The following DHX8 variants were observed in gnomAD, a reference collection of about 807,000 sequenced individuals.
DHX8 encodes the protein ATP-dependent RNA helicase DHX8.
A neutral mutation model predicts 140.7 loss-of-function variants in DHX8; 67 were observed. That is an observed-to-expected ratio of 0.48 (90% CI 0.39 to 0.58). DHX8 has a LOEUF of 0.58. Ranked by LOEUF, DHX8 falls within the 20% of genes least tolerant of loss-of-function variation. DHX8 has a pLI of 0.00. For synonymous variants in DHX8, 533 were observed against 553.2 expected (o/e 0.96, Z 0.51); for missense variants, 887 against 1,550.7 (o/e 0.57, Z 7.19).
chr17:43,508,323 T>G lies in DHX8; in HGVS notation c.2321-16T>G. 6.2e-7 allele frequency: 1 copy of G among 1,604,210 alleles called. No individual in the cohort carries two copies. The highest frequency in any genetic ancestry group is 8.5e-7 in the Non-Finnish European group (1 of 1,175,328). On this transcript the variant is annotated splice_polypyrimidine_tract_variant and intron_variant, in intron 15 of 22. Coordinates refer to ENST00000262415, the MANE Select transcript of DHX8 (RefSeq NM_004941.3). ...ACACACACAGAAAGTAGATGAATGT[T>G]CTATTCTGCTCGTAGGTGATATCCT...
intron 16 of DHX8, among the ~76,000 whole-genome samples, chr17:43,509,144 C>G (rs896000577): frequency 1.1e-4 from 16 of 152,206 alleles, no homozygotes; most frequent in African/African-American, 3.9e-4. Flanking sequence ...AACAGACTTT[C>G]AGCATTTAGT....
At chr17:43,501,680 C>G (rs1969205771) in intron 11 of DHX8, among the ~76,000 whole-genome samples, 1 of 151,928 alleles carries the variant, frequency 6.6e-6, no homozygotes. Flanking sequence ...AGACGAGGTT[C>G]CTCCATGTTG....
intron 2 of DHX8, chr17:43,534,070 G>A: frequency 1.5e-6 from 2 of 1,357,964 alleles, no homozygotes; most frequent in Admixed American, 3.9e-5. Flanking sequence ...GAGCTTTGAG[G>A]ACCAGCTGGG....
At chr17:43,511,455 C>CCTTTTTTTTTTTTTTT (rs1279628229) in intron 16 of DHX8, among the ~76,000 whole-genome samples, 3 of 6,594 alleles carry the variant, frequency 4.5e-4, no homozygotes, top group Non-Finnish European at 6.2e-4. Context: ...GTGATCCCAG[C>CCTTTTTTTTTTTTTTT]ATTTTTTTTT....
chr17:43,530,173 C>T (rs979920984), downstream of DHX8: 96 of 1,555,536 alleles, frequency 6.2e-5, no homozygotes, highest in Non-Finnish European at 8.0e-5. Flanking sequence ...GATGCGCACC[C>T]GGTGACATCT....
chr17:43,525,448 C>T lies in DHX8; in HGVS notation c.*1601C>T, dbSNP rs1490929537. On this transcript the variant is annotated 3_prime_UTR_variant, in exon 23 of 23. Transcript: ENST00000262415. ...GCAATCTGCTGGCTGCAGATCCCTGCCCCTTCATTAAGCTGAGTGCCTCCT... is the reference window on the plus strand; with the variant it reads ...GCAATCTGCTGGCTGCAGATCCCTGTCCCTTCATTAAGCTGAGTGCCTCCT... 4 of 984,132 alleles carry T rather than the reference C, an allele frequency of 4.1e-6. No individual in the cohort carries two copies. Among genetic ancestry groups the T allele is most frequent in the Non-Finnish European group, 3.6e-6 (3 of 828,880 alleles). 61.0% of individuals were successfully genotyped at this position (984,132 alleles called of 1,614,324 possible).
chr17:43,543,500 G>T (rs1971635017), intron 3 of DHX8, among the ~76,000 whole-genome samples: 1 of 152,078 alleles, frequency 6.6e-6, no homozygotes, highest in Admixed American at 6.6e-5. Flanking sequence ...CCTAGGAGCT[G>T]CCCACTGTGG....
At chr17:43,538,935 C>T (rs994079188) in intron 3 of DHX8, among the ~76,000 whole-genome samples, 4 of 152,110 alleles carry the variant, frequency 2.6e-5, no homozygotes, top group Non-Finnish European at 5.9e-5. Context: ...AAAAAACCTC[C>T]ACACCCCCGG....
In DHX8 at chr17:43,496,266, A is replaced by G; in HGVS notation, c.1298A>G (p.Glu433Gly). The G allele has an allele frequency of 1.2e-6, 2 of 1,610,798 alleles. No homozygotes were observed. The highest frequency in any genetic ancestry group is 1.7e-6 in the Non-Finnish European group (2 of 1,177,426). ...ATTCTCCCTAAGGTGGATGATGAAG[A>G]AGGTAACTAGTCAGTTGGATCGAGA... ...TGILPKVDDE[E>G]DEDLEIELVE... Residue 433 changes from glutamate to glycine, a missense_variant and splice_region_variant, in exon 9 of 23, where the codon GAA (glutamate) becomes GGA (glycine). Physicochemically the swap from Glu to Gly is moderately conservative, Grantham distance 98 (BLOSUM62 -2). Transcript: ENST00000262415.
In DHX8 at chr17:43,523,799, T is replaced by C. The variant is rs1457625765; in HGVS notation, c.3615T>C (p.Tyr1205=). 1 of 1,614,198 alleles carries C rather than the reference T, an allele frequency of 6.2e-7. No individual in the cohort carries two copies. Among genetic ancestry groups the C allele is most frequent in the Admixed American group, 1.7e-5 (1 of 60,018 alleles). The change falls in exon 23 of 23, where the codon TAT becomes TAC. Residue 1205 remains tyrosine, a synonymous_variant. Coordinates refer to ENST00000262415, the MANE Select transcript of DHX8 (RefSeq NM_004941.3). ...GTCTTGAACCCTTGTACAACCGCTA[T>C]GAGGAACCCAATGCCTGGAGAATAT... The part of the protein sequence containing the change: ...QQRLEPLYNR[Y]EEPNAWRISR...
chr17:43,491,121 T>A (rs1309784524), intron 3 of DHX8, 44 bp from the exon 4 acceptor site: 1 of 859,954 alleles, frequency 1.2e-6, no homozygotes, highest in Non-Finnish European at 1.7e-6. Context: ...ATATTAAATA[T>A]ATATCTCTTT....
intron 9 of DHX8, among the ~76,000 whole-genome samples, chr17:43,497,754 TA>T (rs554514679): frequency 5.7e-4 from 83 of 146,850 alleles, no homozygotes; most frequent in South Asian, 3.4e-3. Context: ...CACCCTGTCT[TA>T]AAAAAAAAAA....
downstream of DHX8, among the ~76,000 whole-genome samples, chr17:43,530,757 C>T (rs1210546394): frequency 6.6e-6 from 1 of 152,080 alleles, no homozygotes; most frequent in East Asian, 1.9e-4. Flanking sequence ...AGGATAGGAA[C>T]CTTCCCACTC....
intron 18 of DHX8, chr17:43,518,618 T>C (rs921453532): frequency 3.9e-5 from 6 of 152,204 alleles, no homozygotes; most frequent in Admixed American, 2.0e-4. Flanking sequence ...ACATTTACTA[T>C]TGTAAGCTTT....
intron 2 of DHX8, 40 bp downstream of exon 2, chr17:43,489,574 TTTTAA>T: frequency 7.3e-7 from 1 of 1,365,282 alleles, no homozygotes. Context: ...GATATTAATG[TTTTAA>T]TTTATGTTTG....
In DHX8 at chr17:43,524,380, G is replaced by A. The variant is rs915216141; in HGVS notation, c.*533G>A. The A allele has an allele frequency of 7.0e-6, 7 of 993,114 alleles. No homozygotes were observed. The highest frequency in any genetic ancestry group is 1.7e-5 in the African/African-American group (1 of 57,264). The allele number at this position is 993,114 out of a possible 1,614,324, so 61.5% of individuals were successfully genotyped here. ...GGTTAGGATATTGGCCTGGGCTCAGGGTGAGGGAGATTTAGTATCTGTGCT... is the reference window on the plus strand; with the variant it reads ...GGTTAGGATATTGGCCTGGGCTCAGAGTGAGGGAGATTTAGTATCTGTGCT... On this transcript the variant is annotated 3_prime_UTR_variant, in exon 23 of 23. Coordinates refer to ENST00000262415, the MANE Select transcript of DHX8 (RefSeq NM_004941.3).
At chr17:43,489,065 C>T (rs749396609) in intron 1 of DHX8, among the ~76,000 whole-genome samples, 3 of 151,720 alleles carry the variant, frequency 2.0e-5, no homozygotes, top group Non-Finnish European at 2.9e-5. Flanking sequence ...AGTGCAGTGG[C>T]GCAATGCCGG....
At chr17:43,522,267 A>C (rs759485775) in intron 22 of DHX8, 41 bp downstream of exon 22, 2 of 1,569,920 alleles carry the variant, frequency 1.3e-6, no homozygotes, top group South Asian at 2.3e-5. Flanking sequence ...TTTTCTGGGC[A>C]GAGAAAAACC....
intron 8 of DHX8, 106 bp downstream of exon 8, chr17:43,493,992 A>G (rs966782852): frequency 3.5e-6 from 4 of 1,134,156 alleles, no homozygotes; most frequent in African/African-American, 1.5e-5. Flanking sequence ...TGGCCACTGT[A>G]TTAGTCTGTT....
Sources: gnomAD v4.1 joint callset for allele counts (sites outside exome capture counted in the v4.1 genomes callset) on GRCh38, gnomAD v4.1.1 for gene constraint, MANE v1.5 for transcripts, NCBI Gene and HGNC (gene_info 2026-07-23, HGNC 2026-07-21) for gene names.